The following LDB2 variants were observed in gnomAD, a reference collection of about 807,000 sequenced individuals.
LDB2 encodes LIM domain-binding protein 2.
LDB2 carries 12 observed loss-of-function variants against 44.3 expected under a neutral mutation model. The observed-to-expected ratio is 0.27, with a 90% CI of 0.17 to 0.44. The LOEUF (loss-of-function observed/expected upper bound fraction) is 0.44. Ranked by LOEUF, LDB2 falls within the 20% of genes least tolerant of loss-of-function variation. LDB2 has a pLI of 1.00. For synonymous variants in LDB2, 164 were observed against 174.8 expected, an observed-to-expected ratio of 0.94 and a Z score of 0.49; for missense variants, 344 against 473.5, an observed-to-expected ratio of 0.73 and a Z score of 2.54.
At chr4:16,576,733 G>A (rs2152410095) in intron 5 of LDB2, among the ~76,000 whole-genome samples, 1 of 152,162 alleles carries the variant, frequency 6.6e-6, no homozygotes, top group East Asian at 1.9e-4. Flanking sequence ...CATTCTCAGA[G>A]GCCAGTATTA....
At position 16,588,598 on chromosome 4, in the gene LDB2, G is replaced by A. The variant is rs1717830562; in HGVS notation, c.531+112C>T. The A allele has an allele frequency of 2.7e-6, 3 of 1,099,248 alleles. No individual in the cohort carries two copies. The Admixed American group carries it at 6.7e-5, about 24-fold the overall frequency. 68.1% of individuals were successfully genotyped at this position (1,099,248 alleles called of 1,614,324 possible). On this transcript the variant is annotated intron_variant, in intron 4 of 7. Coordinates refer to ENST00000304523, the MANE Select transcript of LDB2 (RefSeq NM_001290.5). Reference sequence around the variant, plus strand: ...CAATATTTAGAGTTAATTACCTAAAGCGTGACAACTACTGGAATTCTTTCA... The same window carrying A: ...CAATATTTAGAGTTAATTACCTAAAACGTGACAACTACTGGAATTCTTTCA...
intron 1 of LDB2, among the ~76,000 whole-genome samples, chr4:16,803,668 G>C (rs1422261718): frequency 6.6e-6 from 1 of 151,602 alleles, no homozygotes; most frequent in Non-Finnish European, 1.5e-5. Flanking sequence ...TAAGAATTGG[G>C]CTAGTGGAAA....
intron 1 of LDB2, among the ~76,000 whole-genome samples, chr4:16,870,294 C>G (rs1288316664): frequency 6.6e-6 from 1 of 152,166 alleles, no homozygotes; most frequent in African/African-American, 2.4e-5. Flanking sequence ...GGAGCGAAGG[C>G]TTATCCAGAT....
At chr4:16,814,867 A>C (rs1035748857) in intron 1 of LDB2, among the ~76,000 whole-genome samples, 1 of 152,248 alleles carries the variant, frequency 6.6e-6, no homozygotes, top group Non-Finnish European at 1.5e-5. Context: ...TCCTGAAAAT[A>C]GAGTGAGATT....
intron 6 of LDB2, among the ~76,000 whole-genome samples, chr4:16,510,398 C>G (rs974644462): frequency 6.6e-5 from 10 of 152,216 alleles, no homozygotes; most frequent in African/African-American, 2.2e-4. Flanking sequence ...AGAACTGTTC[C>G]AGGTCATGGA....
chr4:16,549,758 A>G (rs1172812700), intron 5 of LDB2, among the ~76,000 whole-genome samples: 1 of 152,250 alleles, frequency 6.6e-6, no homozygotes, highest in Non-Finnish European at 1.5e-5. Flanking sequence ...AATTGGTGCC[A>G]TTAAGCTCAG....
chr4:16,876,336 C>T (rs552349939), intron 1 of LDB2, among the ~76,000 whole-genome samples: 1 of 152,308 alleles, frequency 6.6e-6, no homozygotes, highest in South Asian at 2.1e-4. Flanking sequence ...AACGCTGCCT[C>T]TAATTTTCCT....
In LDB2 at chr4:16,502,760, G is replaced by C; in HGVS notation, c.1005C>G (p.Asp335Glu). The C allele has an allele frequency of 6.2e-7, 1 of 1,613,956 alleles. No homozygotes were observed. Among genetic ancestry groups the C allele is most frequent in the Non-Finnish European group, 8.5e-7 (1 of 1,179,962 alleles). Reference protein sequence around the residue: ...NTQYDAANGMDDEEDFNNSPA... With the variant: ...NTQYDAANGMEDEEDFNNSPA... ...GTGAATTGTTGAAGTCCTCCTCGTCGTCCATGCCGTTGGCCGCATCATATT... is the reference window on the plus strand; with the variant it reads ...GTGAATTGTTGAAGTCCTCCTCGTCCTCCATGCCGTTGGCCGCATCATATT... The change falls in exon 8 of 8, where the codon GAC becomes GAG. Residue 335 changes from aspartate (D) to glutamate (E), a missense_variant. Transcript: ENST00000304523.
At chr4:16,573,292 G>C (rs1747232683) in intron 5 of LDB2, among the ~76,000 whole-genome samples, 2 of 152,172 alleles carry the variant, frequency 1.3e-5, no homozygotes, top group Admixed American at 6.5e-5. Flanking sequence ...TTCTGAATCA[G>C]ACTCATGTTA....
chr4:16,542,199 C>T (rs1160546649), intron 5 of LDB2, among the ~76,000 whole-genome samples: 1 of 151,670 alleles, frequency 6.6e-6, no homozygotes, highest in Non-Finnish European at 1.5e-5. Flanking sequence ...TGAACACCTA[C>T]CAGGTTCCAG....
At chr4:16,571,146 T>A (rs1368836590) in intron 5 of LDB2, among the ~76,000 whole-genome samples, 1 of 152,198 alleles carries the variant, frequency 6.6e-6, no homozygotes, top group African/African-American at 2.4e-5. Flanking sequence ...AAGCTAAGTA[T>A]TTTGGATTTC....
intron 3 of LDB2, 49 bp from the exon 4 acceptor site, chr4:16,588,881 C>T (rs1459358724): frequency 6.2e-7 from 1 of 1,603,194 alleles, no homozygotes; most frequent in Admixed American, 1.7e-5. Flanking sequence ...TTGTGAAAGC[C>T]ACATTTTGTA....
intron 2 of LDB2, among the ~76,000 whole-genome samples, chr4:16,662,857 G>A (rs1226014986): frequency 3.3e-5 from 5 of 151,798 alleles, no homozygotes; most frequent in Admixed American, 6.6e-5. Flanking sequence ...TTACCGTCTC[G>A]GGGGCTTCTT....
At chr4:16,847,883 T>C (rs1320980326) in intron 1 of LDB2, among the ~76,000 whole-genome samples, 1 of 152,258 alleles carries the variant, frequency 6.6e-6, no homozygotes, top group Non-Finnish European at 1.5e-5. Flanking sequence ...CCCAGAGTGC[T>C]GGGATTACAG....
At chr4:16,629,624 A>G (rs1731309377) in intron 2 of LDB2, among the ~76,000 whole-genome samples, 2 of 152,088 alleles carry the variant, frequency 1.3e-5, no homozygotes, top group Admixed American at 1.3e-4. Context: ...GAAGATTGGT[A>G]ATAACAAATT....
intron 1 of LDB2, among the ~76,000 whole-genome samples, chr4:16,891,110 A>G (rs886162333): frequency 1.3e-5 from 2 of 151,968 alleles, no homozygotes; most frequent in South Asian, 4.1e-4. Flanking sequence ...AAAAAATGAG[A>G]TAGCTTTTAT....
intron 1 of LDB2, among the ~76,000 whole-genome samples, chr4:16,867,586 G>C (rs1715126139): frequency 6.6e-6 from 1 of 152,138 alleles, no homozygotes; most frequent in Non-Finnish European, 1.5e-5. Context: ...TGTTTTCTAG[G>C]TAAAGAAGGA....
At chr4:16,632,935 G>A (rs918478006) in intron 2 of LDB2, among the ~76,000 whole-genome samples, 1 of 152,130 alleles carries the variant, frequency 6.6e-6, no homozygotes, top group Non-Finnish European at 1.5e-5. Flanking sequence ...TCCCATTACT[G>A]GGCATATACC....
At chr4:16,630,621 C>T (rs1159765071) in intron 2 of LDB2, among the ~76,000 whole-genome samples, 1 of 152,048 alleles carries the variant, frequency 6.6e-6, no homozygotes, top group African/African-American at 2.4e-5. Flanking sequence ...GCTAAATGCC[C>T]CAATTAAAAG....
Sources: gnomAD v4.1 joint callset for allele counts (sites outside exome capture counted in the v4.1 genomes callset) on GRCh38, gnomAD v4.1.1 for gene constraint, MANE v1.5 for transcripts, NCBI Gene and HGNC (gene_info 2026-07-23, HGNC 2026-07-21) for gene names.